The following GRIN2A variants were observed in gnomAD, a reference collection of about 807,000 sequenced individuals.
GRIN2A encodes the protein glutamate receptor ionotropic, NMDA 2A.
Under a neutral mutation model 113.4 loss-of-function variants are expected in GRIN2A, and 22 were observed. That is an observed-to-expected ratio of 0.19 (90% CI 0.14 to 0.28). GRIN2A has a LOEUF of 0.28. Ranked by LOEUF, GRIN2A falls within the 10% of genes least tolerant of loss-of-function variation. The pLI is 1.00. For missense variants in GRIN2A, 1,502 were observed against 1,887.0 expected, an observed-to-expected ratio of 0.80 and a Z score of 3.78; for synonymous variants, 827 against 738.4, an observed-to-expected ratio of 1.12 and a Z score of -1.94.
chr16:9,760,641 G>A lies in GRIN2A; in HGVS notation c.*2508C>T, dbSNP rs998747807. 1.8e-5 allele frequency: 4 copies of A among 223,964 alleles called. No homozygotes were observed. Among genetic ancestry groups the A allele is most frequent in the African/African-American group, 4.5e-5 (2 of 44,728 alleles). 13.9% of individuals were successfully genotyped at this position (223,964 alleles called of 1,614,324 possible). ...GCTGTTAGGGGAAGGCTTTCTGACC[G>A]ATGAAGTCAGTCCAAGTATAACTCT... is the stretch of plus-strand genomic sequence containing the variant. On this transcript the variant is annotated 3_prime_UTR_variant, in exon 13 of 13. Transcript: ENST00000330684.
intron 2 of GRIN2A, among the ~76,000 whole-genome samples, chr16:10,167,724 T>C (rs1048278680): frequency 1.6e-4 from 24 of 152,188 alleles, no homozygotes; most frequent in Non-Finnish European, 5.9e-5. Context: ...CAACATCTAT[T>C]TCAAAGTTTA....
At chr16:9,809,984 C>T (rs2042055360) in intron 10 of GRIN2A, among the ~76,000 whole-genome samples, 1 of 152,120 alleles carries the variant, frequency 6.6e-6, no homozygotes, top group South Asian at 2.1e-4. Flanking sequence ...AGGAGAATCA[C>T]TTGATCCTAG....
chr16:10,002,744 T>C (rs1363594293), intron 2 of GRIN2A, among the ~76,000 whole-genome samples: 1 of 152,214 alleles, frequency 6.6e-6, no homozygotes. Flanking sequence ...GCCAGCTCTT[T>C]CAGTATTTCA....
chr16:9,877,207 T>G (rs911434979), intron 4 of GRIN2A, among the ~76,000 whole-genome samples: 1 of 152,184 alleles, frequency 6.6e-6, no homozygotes, highest in African/African-American at 2.4e-5. Context: ...AGGGTTATTA[T>G]GCGGCTAAAG....
intron 10 of GRIN2A, among the ~76,000 whole-genome samples, chr16:9,818,029 T>C (rs984269250): frequency 2.0e-5 from 3 of 152,136 alleles, no homozygotes; most frequent in Non-Finnish European, 4.4e-5. Context: ...GACTTTTTTT[T>C]TTTAAGGCTC....
At chr16:10,054,749 T>TA (rs1294583426) in intron 2 of GRIN2A, among the ~76,000 whole-genome samples, 1 of 150,942 alleles carries the variant, frequency 6.6e-6, no homozygotes, top group South Asian at 2.1e-4. Flanking sequence ...TAATACTGAG[T>TA]AAAAAAGAGT....
At chr16:10,122,832 C>A (rs144843069) in intron 2 of GRIN2A, among the ~76,000 whole-genome samples, 6 of 152,100 alleles carry the variant, frequency 3.9e-5, no homozygotes, top group Non-Finnish European at 8.8e-5. Flanking sequence ...ATCATCTATG[C>A]AACCACTCAT....
chr16:9,833,253 A>G (rs1056003650), intron 8 of GRIN2A, among the ~76,000 whole-genome samples: 3 of 152,158 alleles, frequency 2.0e-5, no homozygotes, highest in Non-Finnish European at 2.9e-5. Flanking sequence ...TTGTCCCTTT[A>G]TCAACTACAA....
Position 9,905,289 on chromosome 16 carries a change from G to A in GRIN2A, c.1008-14189C>T, listed in dbSNP as rs539468002. 9.9e-5 allele frequency among the ~76,000 whole-genome samples: 15 copies of A among 152,244 alleles called. No individual in the cohort carries two copies. The South Asian group carries it at 3.1e-3, about 32-fold the overall frequency. On this transcript the variant is annotated intron_variant, in intron 3 of 12. Transcript: ENST00000330684. ...GTTGCTGTAAGAACATTAGGAGGGG[G>A]ACCTGACCCATCAGAATACTGGTTA...
chr16:10,088,443 G>A (rs1217695087), intron 2 of GRIN2A, among the ~76,000 whole-genome samples: 2 of 152,182 alleles, frequency 1.3e-5, no homozygotes, highest in African/African-American at 4.8e-5. Flanking sequence ...TCACCTCTGT[G>A]CTCAGGGCTG....
chr16:10,091,579 G>A (rs1476741387), intron 2 of GRIN2A, among the ~76,000 whole-genome samples: 4 of 151,968 alleles, frequency 2.6e-5, no homozygotes, highest in South Asian at 2.1e-4. Context: ...CTTGAGCCTC[G>A]GAGGCAGAGG....
intron 10 of GRIN2A, among the ~76,000 whole-genome samples, chr16:9,798,778 C>T (rs1455520826): frequency 6.6e-6 from 1 of 152,130 alleles, no homozygotes; most frequent in African/African-American, 2.4e-5. Flanking sequence ...GAGGACAGTG[C>T]CCTATTTAGA....
At chr16:9,984,374 C>T (rs2045943662) in intron 2 of GRIN2A, among the ~76,000 whole-genome samples, 1 of 152,082 alleles carries the variant, frequency 6.6e-6, no homozygotes, top group Non-Finnish European at 1.5e-5. Context: ...TTACATTTGT[C>T]TATTTTTGCT....
chr16:10,025,335 T>A (rs2046800969), intron 2 of GRIN2A, among the ~76,000 whole-genome samples: 1 of 148,458 alleles, frequency 6.7e-6, no homozygotes, highest in African/African-American at 2.5e-5. Context: ...TGGGGTCTTG[T>A]TTTGTCATCC....
At chr16:10,089,919 A>G (rs1213308732) in intron 2 of GRIN2A, among the ~76,000 whole-genome samples, 3 of 152,200 alleles carry the variant, frequency 2.0e-5, no homozygotes, top group African/African-American at 7.2e-5. Flanking sequence ...AGTAGTAGTG[A>G]TCATATCAGA....
intron 2 of GRIN2A, among the ~76,000 whole-genome samples, chr16:10,088,791 C>A (rs576518497): frequency 6.6e-6 from 1 of 152,308 alleles, no homozygotes; most frequent in African/African-American, 2.4e-5. Flanking sequence ...TCCTGGGCAT[C>A]CCCATAGCCT....
intron 2 of GRIN2A, among the ~76,000 whole-genome samples, chr16:10,088,625 AAT>A (rs1324791174): frequency 6.6e-6 from 1 of 152,222 alleles, no homozygotes; most frequent in African/African-American, 2.4e-5. Context: ...ATTTCAAAGA[AAT>A]GTTTCCTCCC....
At chr16:9,983,433 T>TA (rs1219439327) in intron 2 of GRIN2A, among the ~76,000 whole-genome samples, 1 of 151,484 alleles carries the variant, frequency 6.6e-6, no homozygotes, top group African/African-American at 2.4e-5. Context: ...CAAGATGTTG[T>TA]TATTTATTCT....
At chr16:10,013,358 A>G (rs895312840) in intron 2 of GRIN2A, among the ~76,000 whole-genome samples, 1 of 152,194 alleles carries the variant, frequency 6.6e-6, no homozygotes, top group Non-Finnish European at 1.5e-5. Flanking sequence ...TTAAGCATCC[A>G]CATGATGGCA....
Sources: allele counts gnomAD v4.1 joint callset (sites outside exome capture counted in the v4.1 genomes callset), GRCh38; gene constraint gnomAD v4.1.1; transcripts MANE v1.5; gene names NCBI Gene and HGNC (gene_info 2026-07-23, HGNC 2026-07-21).